Variants in TARDBP observed in about 807,000 individuals in gnomAD.
The protein encoded by TARDBP is TAR DNA-binding protein 43.
TARDBP carries 4 observed loss-of-function variants against 38.3 expected under a neutral mutation model. The observed-to-expected ratio is 0.10, with a 90% CI of 0.05 to 0.24. TARDBP has a LOEUF of 0.24. TARDBP is among the 10% of genes least tolerant of loss of function. TARDBP has a pLI of 1.00. For missense variants in TARDBP, 202 were observed against 521.9 expected (o/e 0.39, Z 5.97); for synonymous variants, 184 against 183.8 (o/e 1.00, Z -0.01).
downstream of TARDBP, among the ~76,000 whole-genome samples, chr1:11,029,349 C>T (rs997755160): frequency 1.4e-4 from 21 of 149,870 alleles, no homozygotes; most frequent in Non-Finnish European, 2.7e-4. Context: ...TGCAGTGAGC[C>T]GAGATTGCGC....
chr1:11,014,917 C>G (rs990556400), intron 2 of TARDBP, among the ~76,000 whole-genome samples: 3 of 149,796 alleles, frequency 2.0e-5, no homozygotes, highest in African/African-American at 7.3e-5. Flanking sequence ...GCCTGGGCAA[C>G]AAGAGCGAAA....
chr1:11,030,418 T>C (rs190718349), downstream of TARDBP: 1,346 of 599,970 alleles, frequency 2.2e-3, 15 homozygotes, highest in South Asian at 0.014. Context: ...TGCATTACCA[T>C]GTTTGCTTGC....
chr1:11,026,689 C>A, downstream of TARDBP: 3 of 423,264 alleles, frequency 7.1e-6, no homozygotes. Flanking sequence ...TTTATGTCCC[C>A]TTGAGTCAAT....
intron 1 of TARDBP, 119 bp from the exon 2 acceptor site, chr1:11,013,597 C>A (rs555955326): frequency 5.5e-4 from 460 of 831,670 alleles, no homozygotes; most frequent in Non-Finnish European, 7.8e-4. Flanking sequence ...AATGCATATA[C>A]GAATCCAGAC....
intron 2 of TARDBP, 75 bp downstream of exon 2, chr1:11,014,040 C>T (rs569266043): frequency 1.4e-6 from 2 of 1,432,670 alleles, no homozygotes; most frequent in East Asian, 4.5e-5. Flanking sequence ...ATCTTAGCCT[C>T]TTTTGGTGGC....
chr1:11,016,765 A>G (rs1643533195), intron 2 of TARDBP, 79 bp from the exon 3 acceptor site: 3 of 1,454,494 alleles, frequency 2.1e-6, no homozygotes, highest in African/African-American at 1.4e-5. Flanking sequence ...TTTGCTTCTC[A>G]TTTCTAGATG....
Position 11,022,715 on chromosome 1 carries a change from G to T in TARDBP, c.*61G>T. 3 of 1,576,856 alleles carry T rather than the reference G, an allele frequency of 1.9e-6. No homozygotes were observed. Among genetic ancestry groups the T allele is most frequent in the Non-Finnish European group, 2.6e-6 (3 of 1,163,192 alleles). The stretch of plus-strand genomic sequence containing the variant: ...GGAATTCAAATTTTTCTAAACTCAT[G>T]GTAAGTATATTGTAAAATACATATG... On this transcript the variant is annotated 3_prime_UTR_variant, in exon 6 of 6. Transcript: ENST00000240185. This position sits in a 1 kb window ranked among gnomAD's most constrained non-coding sequence, Gnocchi z 4.5.
rs576959432 is a variant in TARDBP at position 11,019,663 on chromosome 1, T to C, written c.544-766T>C. 4.0e-3 allele frequency among the ~76,000 whole-genome samples: 610 copies of C among 151,958 alleles called. 4 individuals are homozygous for C. The highest frequency in any genetic ancestry group is 7.0e-3 in the Non-Finnish European group (473 of 67,974). Reference sequence around the variant, plus strand: ...CTCACTGCAAGCTCTGCCTCCCGGGTTCACGTCGTTCTCCTGCCTCAGCCT... The same window carrying C: ...CTCACTGCAAGCTCTGCCTCCCGGGCTCACGTCGTTCTCCTGCCTCAGCCT... On this transcript the variant is annotated intron_variant, in intron 4 of 5. Transcript: ENST00000240185.
chr1:11,027,845 A>T (rs1193820401), downstream of TARDBP, among the ~76,000 whole-genome samples: 1 of 152,192 alleles, frequency 6.6e-6, no homozygotes, highest in African/African-American at 2.4e-5. Context: ...ACCTTTTGGT[A>T]TTTCTTAGCT....
At chr1:11,014,843 A>G (rs1048035322) in intron 2 of TARDBP, among the ~76,000 whole-genome samples, 2 of 152,154 alleles carry the variant, frequency 1.3e-5, no homozygotes, top group African/African-American at 2.4e-5. Flanking sequence ...AGGCAGACGC[A>G]GGAGAATCGC....
chr1:11,023,892 T>C lies in TARDBP; in HGVS notation c.*1238T>C, dbSNP rs1249204150. On this transcript the variant is annotated 3_prime_UTR_variant, in exon 6 of 6. Transcript: ENST00000240185. ...GAGGACTTGAAGCAGAGTTCACCAG[T>C]GAGCTCAGGTGTCTCAAAGAAGGGT... The C allele has an allele frequency of 6.5e-6, 1 of 152,746 alleles. No individual in the cohort carries two copies. Among genetic ancestry groups the C allele is most frequent in the Admixed American group, 6.5e-5 (1 of 15,288 alleles). The allele number at this position is 152,746 out of a possible 1,614,324, so 9.5% of individuals were successfully genotyped here.
chr1:11,021,178 G>A (rs901142069), intron 5 of TARDBP, among the ~76,000 whole-genome samples: 1 of 149,694 alleles, frequency 6.7e-6, no homozygotes, highest in South Asian at 2.1e-4. Flanking sequence ...TGCTCTTGTT[G>A]CCCGGGCTGG....
intron 4 of TARDBP, chr1:11,019,325 C>G (rs1420832103): frequency 3.3e-6 from 1 of 304,268 alleles, no homozygotes; most frequent in Admixed American, 5.0e-5. Flanking sequence ...TCATGTATCA[C>G]ATGGCAAAGT....
chr1:11,027,713 A>G (rs542928385), downstream of TARDBP: 3 of 1,501,940 alleles, frequency 2.0e-6, no homozygotes, highest in African/African-American at 4.2e-5. Flanking sequence ...TTCTTAAATT[A>G]TGACCGCCTT....
In TARDBP at chr1:11,022,719, A is replaced by G; in HGVS notation, c.*65A>G. ...TTCAAATTTTTCTAAACTCATGGTA[A>G]GTATATTGTAAAATACATATGTACT... On this transcript the variant is annotated 3_prime_UTR_variant, in exon 6 of 6. Coordinates refer to ENST00000240185, the MANE Select transcript of TARDBP (RefSeq NM_007375.4). The surrounding 1 kb of genome is among the most constrained non-coding windows in gnomAD (Gnocchi z 4.5). The G allele has an allele frequency of 6.4e-7, 1 of 1,565,262 alleles. No homozygotes were observed. Among genetic ancestry groups the G allele is most frequent in the South Asian group, 1.2e-5 (1 of 83,276 alleles).
intron 2 of TARDBP, among the ~76,000 whole-genome samples, chr1:11,014,694 T>G (rs1643480243): frequency 6.6e-6 from 1 of 152,138 alleles, no homozygotes; most frequent in Non-Finnish European, 1.5e-5. Context: ...ATCCCAGCAC[T>G]TTGGGAGGCC....
downstream of TARDBP, chr1:11,027,020 ACTAT>A (rs1452466581): frequency 1.9e-6 from 3 of 1,598,032 alleles, no homozygotes; most frequent in Non-Finnish European, 8.5e-7. Context: ...TCTCTGTTTC[ACTAT>A]CTAGAAACAC....
downstream of TARDBP, chr1:11,030,351 TG>T (rs1643823477): frequency 2.5e-6 from 2 of 808,336 alleles, no homozygotes; most frequent in African/African-American, 3.4e-5. Context: ...TGAGCATCAG[TG>T]GGACATAGAG....
downstream of TARDBP, among the ~76,000 whole-genome samples, chr1:11,028,104 C>T (rs892383020): frequency 2.0e-5 from 3 of 152,022 alleles, no homozygotes; most frequent in Non-Finnish European, 4.4e-5. Flanking sequence ...CACCTGTAAT[C>T]CCAGCCACTT....
Sources: gnomAD v4.1 joint callset for allele counts (sites outside exome capture counted in the v4.1 genomes callset) on GRCh38, gnomAD v4.1.1 for gene constraint, Gnocchi (gnomAD v3.1) non-coding constraint, MANE v1.5 for transcripts, NCBI Gene and HGNC (gene_info 2026-07-23, HGNC 2026-07-21) for gene names.